CDH4: variants seen among roughly 807,000 people sequenced by gnomAD.
CDH4 encodes the protein cadherin 4, also known as cadherin-4.
Under a neutral mutation model 86.0 loss-of-function variants are expected in CDH4, and 33 were observed. The observed-to-expected ratio is 0.38, with a 90% CI of 0.29 to 0.51. The LOEUF (loss-of-function observed/expected upper bound fraction) is 0.51, where lower values mean the gene tolerates loss of function less well. CDH4 is among the 20% of genes least tolerant of loss of function. The probability of loss-of-function intolerance (pLI) is 0.86; values close to 1 mark genes in which losing one functional copy is unlikely to be tolerated. For synonymous variants in CDH4, 555 were observed against 549.4 expected (o/e 1.01, Z -0.14); for missense variants, 1,114 against 1,307.4 (o/e 0.85, Z 2.28).
chr20:61,920,763 C>T (rs1355592695), intron 9 of CDH4, among the ~76,000 whole-genome samples: 3 of 143,812 alleles, frequency 2.1e-5, no homozygotes, highest in Non-Finnish European at 4.5e-5. Flanking sequence ...AGCATGGTGT[C>T]ACAGTAATTG....
intron 2 of CDH4, among the ~76,000 whole-genome samples, chr20:61,539,162 G>A (rs759351145): frequency 2.0e-5 from 3 of 152,182 alleles, no homozygotes; most frequent in Non-Finnish European, 4.4e-5. Flanking sequence ...CCCTGGAGGA[G>A]TCCCCAGGAG....
At chr20:61,888,660 G>A (rs80253947) in intron 7 of CDH4, among the ~76,000 whole-genome samples, 2,590 of 152,314 alleles carry the variant, frequency 0.017, 65 homozygotes, top group African/African-American at 0.059. Context: ...CAAGGGTGGC[G>A]CCAGCTCTGC....
At chr20:61,548,264 A>G (rs939153487) in intron 2 of CDH4, among the ~76,000 whole-genome samples, 2 of 152,178 alleles carry the variant, frequency 1.3e-5, no homozygotes, top group Non-Finnish European at 1.5e-5. Context: ...TAAGACTCCA[A>G]GCAATTCAGA....
intron 2 of CDH4, among the ~76,000 whole-genome samples, chr20:61,267,541 A>G (rs906576225): frequency 6.6e-6 from 1 of 152,202 alleles, no homozygotes; most frequent in Non-Finnish European, 1.5e-5. Flanking sequence ...TTATATTGTA[A>G]AGCATGACAT....
rs1446192909 is a variant in CDH4 at position 61,810,164 on chromosome 20, A to G, written c.577-34504A>G. Among the ~76,000 whole-genome samples the G allele has an allele frequency of 6.6e-6, 1 of 152,164 alleles. No individual in the cohort carries two copies. Among genetic ancestry groups the G allele is most frequent in the Admixed American group, 6.5e-5 (1 of 15,282 alleles). Reference sequence around the variant, plus strand: ...GCACCTGAGCCTAGACCTGTTCTCAAGACGGAGACAGAGATGGGTGAGGGA... The same window carrying G: ...GCACCTGAGCCTAGACCTGTTCTCAGGACGGAGACAGAGATGGGTGAGGGA... On this transcript the variant is annotated intron_variant, in intron 4 of 15. Coordinates refer to ENST00000614565, the MANE Select transcript of CDH4 (RefSeq NM_001794.5). This position sits in a 1 kb window ranked among gnomAD's most constrained non-coding sequence, Gnocchi z 4.3.
intron 6 of CDH4, among the ~76,000 whole-genome samples, chr20:61,862,371 C>A (rs1983368449): frequency 6.6e-6 from 1 of 152,232 alleles, no homozygotes; most frequent in Non-Finnish European, 1.5e-5. Flanking sequence ...CCAGCACTAG[C>A]TCCTGGTTCT....
intron 6 of CDH4, among the ~76,000 whole-genome samples, chr20:61,863,678 C>G (rs575191511): frequency 8.8e-4 from 134 of 152,286 alleles, no homozygotes; most frequent in African/African-American, 3.0e-3. Context: ...TCCCAGACAC[C>G]AGAGCCAGCA....
intron 2 of CDH4, among the ~76,000 whole-genome samples, chr20:61,539,073 C>T (rs956573554): frequency 3.0e-4 from 46 of 152,126 alleles, no homozygotes; most frequent in African/African-American, 1.0e-3. Flanking sequence ...AGATCCGCAG[C>T]GGGTCAGGTG....
At chr20:61,895,823 C>A (rs1985077927) in intron 8 of CDH4, among the ~76,000 whole-genome samples, 1 of 152,216 alleles carries the variant, frequency 6.6e-6, no homozygotes, top group Non-Finnish European at 1.5e-5. Context: ...TTCCCTGGGT[C>A]CATGGGGTGT....
intron 4 of CDH4, among the ~76,000 whole-genome samples, chr20:61,806,577 A>G (rs555138097): frequency 1.4e-4 from 21 of 151,924 alleles, no homozygotes; most frequent in Admixed American, 5.2e-4. Context: ...ACGCGCACGC[A>G]CACACACATG....
At chr20:61,549,918 C>G (rs2086115109) in intron 2 of CDH4, among the ~76,000 whole-genome samples, 1 of 152,190 alleles carries the variant, frequency 6.6e-6, no homozygotes, top group Non-Finnish European at 1.5e-5. Context: ...CCACCCCCCT[C>G]AGTGAAGGTG....
At chr20:61,821,172 C>T (rs2146064999) in intron 4 of CDH4, among the ~76,000 whole-genome samples, 1 of 150,242 alleles carries the variant, frequency 6.7e-6, no homozygotes, top group Middle Eastern at 3.4e-3. Context: ...TACACAGCCC[C>T]CACCCCAGCC....
intron 2 of CDH4, among the ~76,000 whole-genome samples, chr20:61,568,587 A>C (rs2086317947): frequency 6.6e-6 from 1 of 152,178 alleles, no homozygotes; most frequent in African/African-American, 2.4e-5. Context: ...TACTACAACA[A>C]ATTTATGCAT....
At chr20:61,924,614 G>C in intron 11 of CDH4, 138 bp downstream of exon 11, 1 of 913,278 alleles carries the variant, frequency 1.1e-6, no homozygotes, top group Non-Finnish European at 1.6e-6. Flanking sequence ...GGCTGAGGGG[G>C]CATCTGTGCA....
At chr20:61,867,062 AGGAGAGAGACGGGT>A (rs779499406) in intron 6 of CDH4, among the ~76,000 whole-genome samples, 1 of 152,228 alleles carries the variant, frequency 6.6e-6, no homozygotes, top group Admixed American at 6.5e-5. Flanking sequence ...AGGAACCAGC[AGGAGAGAGACGGGT>A]GGAGGCTGCC....
chr20:61,601,069 A>C (rs2086596869), intron 2 of CDH4, among the ~76,000 whole-genome samples: 1 of 152,146 alleles, frequency 6.6e-6, no homozygotes, highest in South Asian at 2.1e-4. Context: ...TGAGTGATTT[A>C]TACAGAAAAG....
chr20:61,669,140 G>A (rs2087359102), intron 2 of CDH4, among the ~76,000 whole-genome samples: 1 of 152,236 alleles, frequency 6.6e-6, no homozygotes, highest in African/African-American at 2.4e-5. Context: ...GCGGGCATGG[G>A]CACACCTCGG....
At chr20:61,472,313 G>A (rs1247462244) in intron 2 of CDH4, among the ~76,000 whole-genome samples, 1 of 152,122 alleles carries the variant, frequency 6.6e-6, no homozygotes, top group Non-Finnish European at 1.5e-5. Flanking sequence ...TCTGATATAA[G>A]TGTAGCTACT....
At chr20:61,541,634 C>T (rs1158260710) in intron 2 of CDH4, among the ~76,000 whole-genome samples, 2 of 152,186 alleles carry the variant, frequency 1.3e-5, no homozygotes, top group African/African-American at 4.8e-5. Flanking sequence ...CCAGAAGCAT[C>T]CCGGTGGAAG....
Sources: gnomAD v4.1 joint callset for allele counts (sites outside exome capture counted in the v4.1 genomes callset) on GRCh38, gnomAD v4.1.1 for gene constraint, Gnocchi (gnomAD v3.1) non-coding constraint, MANE v1.5 for transcripts, NCBI Gene and HGNC (gene_info 2026-07-23, HGNC 2026-07-21) for gene names.